The following PTPRD variants were observed in gnomAD, a reference collection of about 807,000 sequenced individuals.
PTPRD encodes protein tyrosine phosphatase receptor type D.
PTPRD carries 34 observed loss-of-function variants against 214.5 expected under a neutral mutation model. The ratio of observed to expected loss-of-function variants is 0.16; its 90% CI spans 0.12 to 0.21. The LOEUF (loss-of-function observed/expected upper bound fraction) is 0.21. PTPRD is among the 10% of genes least tolerant of loss of function. The probability of loss-of-function intolerance (pLI) is 1.00; values close to 1 mark genes in which losing one functional copy is unlikely to be tolerated. For missense variants in PTPRD, 2,545 were observed against 2,398.7 expected (o/e 1.06, Z -1.27); for synonymous variants, 1,128 against 845.7 (o/e 1.33, Z -5.79).
chr9:9,197,487 T>C (rs1027718088), intron 9 of PTPRD, among the ~76,000 whole-genome samples: 3 of 136,992 alleles, frequency 2.2e-5, no homozygotes, highest in Non-Finnish European at 4.5e-5. Flanking sequence ...CTTTGCTCAC[T>C]GCAATATCTG....
chr9:10,086,228 G>A (rs890290812), intron 3 of PTPRD, among the ~76,000 whole-genome samples: 1 of 151,764 alleles, frequency 6.6e-6, no homozygotes, highest in Non-Finnish European at 1.5e-5. Context: ...CAGCGCTGTA[G>A]ACTTATTTGC....
chr9:9,897,441 T>C (rs1285813117), intron 5 of PTPRD, among the ~76,000 whole-genome samples: 1 of 152,102 alleles, frequency 6.6e-6, no homozygotes, highest in Non-Finnish European at 1.5e-5. Flanking sequence ...AGTTGAACTC[T>C]ACAGTAAATC....
chr9:10,416,473 G>A, intron 2 of PTPRD, among the ~76,000 whole-genome samples: 1 of 151,364 alleles, frequency 6.6e-6, no homozygotes, highest in Non-Finnish European at 1.5e-5. Context: ...TTGAAGAAGA[G>A]AACAAATGTT....
intron 14 of PTPRD, among the ~76,000 whole-genome samples, chr9:8,547,275 A>C (rs1024107759): frequency 3.3e-5 from 5 of 152,242 alleles, no homozygotes; most frequent in African/African-American, 1.2e-4. Flanking sequence ...TATTAAAGTG[A>C]GCTTACCAGA....
intron 9 of PTPRD, among the ~76,000 whole-genome samples, chr9:9,294,569 T>C (rs1952354101): frequency 6.6e-6 from 1 of 151,604 alleles, no homozygotes; most frequent in Admixed American, 6.6e-5. Flanking sequence ...TTCTTACAAA[T>C]AGAGACACCA....
chr9:9,650,383 G>C (rs376040910), intron 7 of PTPRD, among the ~76,000 whole-genome samples: 1 of 152,154 alleles, frequency 6.6e-6, no homozygotes, highest in East Asian at 1.9e-4. Context: ...TTACTGATTT[G>C]CTTATGTTGA....
chr9:9,998,129 A>AAAATATATATATATATAT (rs57991748), intron 4 of PTPRD, among the ~76,000 whole-genome samples: 4 of 91,456 alleles, frequency 4.4e-5, no homozygotes, highest in African/African-American at 1.8e-4. Flanking sequence ...AAAAAAAAAA[A>AAAATATATATATATATAT]ATATATATAT....
chr9:8,865,261 C>T (rs113270445), intron 11 of PTPRD, among the ~76,000 whole-genome samples: 1 of 152,124 alleles, frequency 6.6e-6, no homozygotes, highest in African/African-American at 2.4e-5. Flanking sequence ...AACCAGAAAA[C>T]AAGAATCTGT....
intron 12 of PTPRD, among the ~76,000 whole-genome samples, chr9:8,647,472 T>A (rs989827323): frequency 6.6e-6 from 1 of 152,212 alleles, no homozygotes. Context: ...GAATATCTTT[T>A]ATGACCACAA....
chr9:8,594,381 A>G (rs2094341541), intron 14 of PTPRD, among the ~76,000 whole-genome samples: 1 of 152,222 alleles, frequency 6.6e-6, no homozygotes, highest in Non-Finnish European at 1.5e-5. Flanking sequence ...AAGAATCTGT[A>G]ATCATTCTCT....
intron 9 of PTPRD, among the ~76,000 whole-genome samples, chr9:9,241,815 C>T (rs1167735542): frequency 6.6e-6 from 1 of 151,392 alleles, no homozygotes; most frequent in East Asian, 1.9e-4. Context: ...CAGTCTGTGT[C>T]TTTTAATTGG....
In PTPRD at chr9:9,040,909, GC is replaced by G. The variant is rs1198290321; in HGVS notation, c.-142-22175del. Among the ~76,000 whole-genome samples the G allele has an allele frequency of 2.6e-5, 4 of 152,118 alleles. No homozygotes were observed. The East Asian group carries it at 7.7e-4, about 29-fold the overall frequency. ...TCAGTGCTAAAGAAGAAATTCCCCA[GC>G]TTTTAGAAACAGAACTGGTCCTACC... On this transcript the variant is annotated intron_variant, in intron 10 of 45. Coordinates refer to ENST00000381196, the MANE Select transcript of PTPRD (RefSeq NM_002839.4).
At chr9:9,604,767 G>A (rs942066250) in intron 7 of PTPRD, among the ~76,000 whole-genome samples, 7 of 151,628 alleles carry the variant, frequency 4.6e-5, no homozygotes, top group African/African-American at 1.7e-4. Flanking sequence ...CATTTCTATG[G>A]CTAAAAGTTT....
chr9:9,168,391 T>C (rs1284285007), intron 10 of PTPRD, among the ~76,000 whole-genome samples: 2 of 152,210 alleles, frequency 1.3e-5, no homozygotes. Flanking sequence ...GCCTTTTCCA[T>C]ATATTTTTAG....
intron 10 of PTPRD, among the ~76,000 whole-genome samples, chr9:9,036,835 G>C (rs2099623475): frequency 6.6e-6 from 1 of 152,056 alleles, no homozygotes; most frequent in East Asian, 1.9e-4. Flanking sequence ...CATGCCTCTT[G>C]GTTGAGCCTG....
At chr9:8,657,669 T>C (rs1010104555) in intron 12 of PTPRD, among the ~76,000 whole-genome samples, 2 of 152,206 alleles carry the variant, frequency 1.3e-5, no homozygotes, top group African/African-American at 4.8e-5. Context: ...TTTGCTTTTG[T>C]TGCAATTGTT....
rs2131637438 is a variant in PTPRD, at chr9:8,331,607, C to T, written c.5509G>A (p.Asp1837Asn). ...VHKTKEQFGQ[D>N]GPISVHCSAG... is the part of the protein sequence containing the mutation. ...CTGCAATGGACTGAAATGGGTCCATCTTGGCCAAACTGTTCTTTTGTTTTA... is the reference window on the plus strand; with the variant it reads ...CTGCAATGGACTGAAATGGGTCCATTTTGGCCAAACTGTTCTTTTGTTTTA... Residue 1837 changes from aspartate to asparagine, a missense_variant, in exon 44 of 46, where the codon GAT (aspartate) becomes AAT (asparagine). Asp to Asn is a conservative substitution (Grantham distance 23). Transcript: ENST00000381196. The T allele has an allele frequency of 6.7e-7, 1 of 1,483,028 alleles. No homozygotes were observed. The highest frequency in any genetic ancestry group is 2.3e-5 in the African/African-American group (1 of 43,966). The allele number at this position is 1,483,028 out of a possible 1,614,324, so 91.9% of individuals were successfully genotyped here. A position where few individuals can be genotyped will look rare whatever the true frequency, so the allele number is the denominator to read the frequency against.
At chr9:10,536,092 G>A (rs1034236910) in intron 2 of PTPRD, among the ~76,000 whole-genome samples, 6 of 152,104 alleles carry the variant, frequency 3.9e-5, no homozygotes, top group African/African-American at 1.4e-4. Context: ...CTAGACTACT[G>A]TTTAGATTCC....
intron 2 of PTPRD, among the ~76,000 whole-genome samples, chr9:10,536,265 A>G (rs544990223): frequency 6.6e-6 from 1 of 152,292 alleles, no homozygotes; most frequent in Admixed American, 6.5e-5. Flanking sequence ...TCATCTGTGC[A>G]CAGATAGTGA....
Sources: allele counts gnomAD v4.1 joint callset (sites outside exome capture counted in the v4.1 genomes callset), GRCh38; gene constraint gnomAD v4.1.1; transcripts MANE v1.5; gene names NCBI Gene and HGNC (gene_info 2026-07-23, HGNC 2026-07-21).